The following FIGLA variants were observed in gnomAD, a reference collection of about 807,000 sequenced individuals.
The protein encoded by FIGLA is folliculogenesis specific bHLH transcription factor, also known as factor in the germline alpha.
Under a neutral mutation model 21.5 loss-of-function variants are expected in FIGLA, and 17 were observed. The observed-to-expected ratio is 0.79, with a 90% CI of 0.54 to 1.19. The LOEUF is 1.19. Among genes scored for constraint, FIGLA ranks in the 50% most tolerant of loss-of-function variants. The probability of loss-of-function intolerance (pLI) is 0.00; values close to 1 mark genes in which losing one functional copy is unlikely to be tolerated. For missense variants in FIGLA, 282 were observed against 285.0 expected, an observed-to-expected ratio of 0.99 and a Z score of 0.08; for synonymous variants, 129 against 117.6, an observed-to-expected ratio of 1.10 and a Z score of -0.63.
Position 70,790,587 on chromosome 2 carries a change from G to T in FIGLA, c.52C>A (p.Leu18Met). 6.7e-7 allele frequency: 1 copy of T among 1,490,908 alleles called. No individual in the cohort carries two copies. The highest frequency in any genetic ancestry group is 1.3e-5 in the South Asian group (1 of 78,602). 92.4% of individuals were successfully genotyped at this position (1,490,908 alleles called of 1,614,324 possible). A position where few individuals can be genotyped will look rare whatever the true frequency, so the allele number is the denominator to read the frequency against. The change falls in exon 1 of 5, where the codon CTG becomes ATG. Residue 18 changes from leucine to methionine, a missense_variant. By Grantham distance (15) the Leu-to-Met change is conservative. Transcript: ENST00000332372. ...LDPRAAPPAL[L>M]GTPQAEVLED... ...AGCACCTCGGCTTGCGGGGTGCCCA[G>T]GAGCGCGGGCGGCGCGGCGCGGGGA...
In FIGLA at chr2:70,777,619, G is replaced by A; in HGVS notation, c.644+18C>T. The A allele has an allele frequency of 6.2e-7, 1 of 1,601,822 alleles. No homozygotes were observed. Among genetic ancestry groups the A allele is most frequent in the African/African-American group, 1.3e-5 (1 of 74,864 alleles). ...TGTTATAAATTGGCACTATGCATCA[G>A]GTTATAGAATGACCTACCTGTGACT... On this transcript the variant is annotated intron_variant, in intron 4 of 4. Coordinates refer to ENST00000332372, the MANE Select transcript of FIGLA (RefSeq NM_001004311.3).
chr2:70,787,812 A>G lies in FIGLA; in HGVS notation c.232-11T>C. 1 of 1,611,484 alleles carries G rather than the reference A, an allele frequency of 6.2e-7. No homozygotes were observed. ...GTTGAGATTTTTTATCTAGAAAACAAAAAGGCACAGTAACACACAGAGAAG... is the reference window on the plus strand; with the variant it reads ...GTTGAGATTTTTTATCTAGAAAACAGAAAGGCACAGTAACACACAGAGAAG... On this transcript the variant is annotated splice_polypyrimidine_tract_variant and intron_variant, in intron 1 of 4. Transcript: ENST00000332372.
intron 3 of FIGLA, among the ~76,000 whole-genome samples, chr2:70,780,975 G>A (rs1260795628): frequency 6.6e-6 from 1 of 152,096 alleles, no homozygotes; most frequent in Non-Finnish European, 1.5e-5. Context: ...TGAAAGGAGT[G>A]GAGGCCTGGC....
chr2:70,783,700 A>AT (rs140083581), intron 3 of FIGLA, among the ~76,000 whole-genome samples: 25,219 of 141,618 alleles, frequency 0.18, 2,564 homozygotes, highest in African/African-American at 0.29. Context: ...AGCTCAGGTC[A>AT]TTTTTTTTTT....
chr2:70,780,571 G>A (rs1675836461), intron 3 of FIGLA, among the ~76,000 whole-genome samples: 1 of 152,122 alleles, frequency 6.6e-6, no homozygotes, highest in Non-Finnish European at 1.5e-5. Flanking sequence ...GTTCCTGATT[G>A]TAAAATGCAA....
intron 2 of FIGLA, among the ~76,000 whole-genome samples, chr2:70,786,948 T>C (rs1223432106): frequency 6.6e-6 from 1 of 152,208 alleles, no homozygotes; most frequent in Non-Finnish European, 1.5e-5. Context: ...TCTCTTCCTA[T>C]TTTGTTTCCC....
intron 3 of FIGLA, among the ~76,000 whole-genome samples, chr2:70,779,248 C>T (rs1368964450): frequency 6.6e-6 from 1 of 152,132 alleles, no homozygotes; most frequent in African/African-American, 2.4e-5. Flanking sequence ...AGGCACCCAC[C>T]CCATTAAATG....
intron 1 of FIGLA, among the ~76,000 whole-genome samples, chr2:70,790,085 T>G (rs955204991): frequency 2.2e-4 from 34 of 152,168 alleles, no homozygotes; most frequent in African/African-American, 7.7e-4. Context: ...GGCGCGAAGC[T>G]TTTAAAGCAC....
At chr2:70,780,362 A>T (rs1328129270) in intron 3 of FIGLA, among the ~76,000 whole-genome samples, 10 of 152,132 alleles carry the variant, frequency 6.6e-5, no homozygotes, top group Non-Finnish European at 1.3e-4. Flanking sequence ...CCAAATCTTA[A>T]GCTCCTCTGG....
intron 1 of FIGLA, 144 bp from the exon 2 acceptor site, chr2:70,787,945 C>T (rs1675985952): frequency 5.2e-6 from 4 of 770,516 alleles, no homozygotes; most frequent in East Asian, 2.7e-5. Flanking sequence ...GTCAGTGCTC[C>T]ACCAGCAGTG....
intron 1 of FIGLA, among the ~76,000 whole-genome samples, chr2:70,789,830 G>A (rs1676025514): frequency 6.6e-6 from 1 of 152,152 alleles, no homozygotes; most frequent in South Asian, 2.1e-4. Context: ...GAGTTGCTGC[G>A]GCTCGACTGG....
intron 3 of FIGLA, among the ~76,000 whole-genome samples, chr2:70,779,328 C>T (rs11904033): frequency 0.014 from 2,138 of 152,212 alleles, 37 homozygotes; most frequent in African/African-American, 0.049. Context: ...ATTGGTGAAC[C>T]CCAGGGCAGA....
At position 70,777,645 on chromosome 2, in the gene FIGLA, C is replaced by G. The variant is rs1553388511; in HGVS notation, c.636G>C (p.Leu212=). 5 of 1,588,022 alleles carry G rather than the reference C, an allele frequency of 3.1e-6. No homozygotes were observed. In the African/African-American group the frequency reaches 5.4e-5, roughly 17 times the overall value. The change falls in exon 4 of 5, where the codon CTG becomes CTC. Residue 212 remains leucine (L), a synonymous_variant. Coordinates refer to ENST00000332372, the MANE Select transcript of FIGLA (RefSeq NM_001004311.3). ...SLDRFPEVEL[L]SHRLPQV ...GTTATAGAATGACCTACCTGTGACTCAGCAGTTCTACTTCTGGGAATCTAT... is the reference window on the plus strand; with the variant it reads ...GTTATAGAATGACCTACCTGTGACTGAGCAGTTCTACTTCTGGGAATCTAT...
At chr2:70,789,610 C>T (rs1337131656) in intron 1 of FIGLA, among the ~76,000 whole-genome samples, 1 of 152,190 alleles carries the variant, frequency 6.6e-6, no homozygotes, top group African/African-American at 2.4e-5. Context: ...ACTTCTCTCC[C>T]CAGTCCCAGT....
chr2:70,786,727 C>A (rs1553390102), intron 2 of FIGLA, among the ~76,000 whole-genome samples: 1 of 152,184 alleles, frequency 6.6e-6, no homozygotes, highest in East Asian at 1.9e-4. Flanking sequence ...TTCTCTTTCA[C>A]CTTTCAAGTG....
In FIGLA at chr2:70,787,682, G is replaced by A. The variant is rs981670974; in HGVS notation, c.351C>T (p.Leu117=). 19 of 1,588,428 alleles carry A rather than the reference G, an allele frequency of 1.2e-5. No homozygotes were observed. The highest frequency in any genetic ancestry group is 1.6e-5 in the Non-Finnish European group (19 of 1,166,904). ...LKGATEYIQV[L]SDLLEGAKDS... ...CTTTGGCTCCTTCCAAAAGATCACT[G>A]AGAACCTGTATATATTCAGTCGCAC... is the stretch of plus-strand genomic sequence containing the variant. The change falls in exon 2 of 5, where the codon CTC becomes CTT. Residue 117 remains leucine, a synonymous_variant. Transcript: ENST00000332372.
chr2:70,784,238 C>G (rs192306194), intron 3 of FIGLA, among the ~76,000 whole-genome samples: 2 of 152,212 alleles, frequency 1.3e-5, no homozygotes, highest in Admixed American at 1.3e-4. Flanking sequence ...CAGCAGGAAG[C>G]CTGTAGGACC....
intron 1 of FIGLA, 137 bp from the exon 2 acceptor site, chr2:70,787,938 A>G (rs1375591712): frequency 4.9e-6 from 4 of 815,860 alleles, no homozygotes; most frequent in Non-Finnish European, 7.6e-6. Context: ...CCAAAGAGTC[A>G]GTGCTCCACC....
rs928395485 is a variant in FIGLA at position 70,778,049 on chromosome 2, C to T, written c.610-378G>A. On this transcript the variant is annotated intron_variant, in intron 3 of 4. Coordinates refer to ENST00000332372, the MANE Select transcript of FIGLA (RefSeq NM_001004311.3). ...GGTCAGGCATTTTGGATACTGAAAC[C>T]TATTATGTACATCACTGTGGATGGT... is the stretch of plus-strand genomic sequence containing the variant. Among the ~76,000 whole-genome samples the T allele has an allele frequency of 2.0e-5, 3 of 152,258 alleles. 1 individual carries two copies. Among genetic ancestry groups the T allele is most frequent in the East Asian group, 3.9e-4 (2 of 5,182 alleles).
Sources: allele counts gnomAD v4.1 joint callset (sites outside exome capture counted in the v4.1 genomes callset), GRCh38; gene constraint gnomAD v4.1.1; transcripts MANE v1.5; gene names NCBI Gene and HGNC (gene_info 2026-07-23, HGNC 2026-07-21).